PECR: variants seen among roughly 807,000 people sequenced by gnomAD.
The protein encoded by PECR is 2,4-dienoyl-CoA reductase-related protein.
In PECR, 30 loss-of-function variants were observed where a neutral mutation model predicts 35.3. The ratio of observed to expected loss-of-function variants is 0.85; its 90% CI spans 0.64 to 1.15. The LOEUF (loss-of-function observed/expected upper bound fraction) is 1.15, where lower values mean the gene tolerates loss of function less well. Ranked by LOEUF, PECR falls within the 50% of genes most tolerant of loss-of-function variation. PECR has a pLI of 0.00. For missense variants in PECR, 392 were observed against 370.8 expected (o/e 1.06, Z -0.47); for synonymous variants, 148 against 138.9 (o/e 1.07, Z -0.46).
chr2:216,063,331 A>C (rs184639234), intron 3 of PECR, among the ~76,000 whole-genome samples: 62 of 152,338 alleles, frequency 4.1e-4, no homozygotes, highest in African/African-American at 1.4e-3. Flanking sequence ...AAGATACAGA[A>C]AAATATGGCT....
chr2:216,069,929 T>C (rs1695553620), intron 1 of PECR, among the ~76,000 whole-genome samples: 1 of 121,816 alleles, frequency 8.2e-6, no homozygotes, highest in African/African-American at 3.5e-5. Flanking sequence ...AGAGCAAGAC[T>C]CTGTCAAAAA....
In PECR at chr2:216,081,734, G is replaced by A. The variant is rs1312634271; in HGVS notation, c.8C>T (p.Ser3Phe). The change falls in exon 1 of 8, where the codon TCC (serine) becomes TTC (phenylalanine). Residue 3 changes from serine (S) to phenylalanine (F), a missense_variant. Ser to Phe is a radical substitution (Grantham distance 155). Transcript: ENST00000265322. The stretch of plus-strand genomic sequence containing the variant: ...CAGGTAGCTCCTGCCCTTAGCCCAG[G>A]AGGCCATCCCTGCAGCGGGGTGCCA... The part of the protein sequence containing the change: MA[S>F]WAKGRSYLAP... The A allele has an allele frequency of 4.3e-6, 7 of 1,613,226 alleles. No individual in the cohort carries two copies. The highest frequency in any genetic ancestry group is 2.2e-5 in the East Asian group (1 of 44,872).
intron 4 of PECR, among the ~76,000 whole-genome samples, chr2:216,055,263 C>A (rs928920790): frequency 4.6e-5 from 7 of 151,734 alleles, no homozygotes; most frequent in Admixed American, 1.3e-4. Flanking sequence ...CACAGAGAAA[C>A]CCCGTCTCTA....
chr2:216,079,891 G>C lies in PECR; in HGVS notation c.124+1727C>G, dbSNP rs184521985. Among the ~76,000 whole-genome samples the C allele has an allele frequency of 5.4e-3, 785 of 146,296 alleles. 9 individuals carry two copies. Among genetic ancestry groups the C allele is most frequent in the African/African-American group, 0.018 (745 of 40,358 alleles). Reference sequence around the variant, plus strand: ...AACTACTCGGGAGGCTGAGGCAGGAGAATCGCTTGAACCCAGGAGGCGGAG... The same window carrying C: ...AACTACTCGGGAGGCTGAGGCAGGACAATCGCTTGAACCCAGGAGGCGGAG... On this transcript the variant is annotated intron_variant, in intron 1 of 7. Transcript: ENST00000265322.
At chr2:216,051,290 A>AAAAAAAAAAAAAAAAAAT in intron 5 of PECR, among the ~76,000 whole-genome samples, 159 bp downstream of exon 5, 1 of 151,866 alleles carries the variant, frequency 6.6e-6, no homozygotes, top group African/African-American at 2.4e-5. Flanking sequence ...TCAAAAAAAA[A>AAAAAAAAAAAAAAAAAAT]AAAAAAAAAA....
chr2:216,035,636 G>A (rs1038355274), downstream of PECR, among the ~76,000 whole-genome samples: 5 of 151,994 alleles, frequency 3.3e-5, no homozygotes, highest in Admixed American at 2.0e-4. Flanking sequence ...ACAGACGCCC[G>A]CCACCAGGCC....
chr2:216,058,872 G>A, intron 4 of PECR, 23 bp downstream of exon 4: 2 of 1,390,868 alleles, frequency 1.4e-6, no homozygotes, highest in Non-Finnish European at 2.0e-6. Context: ...GACTTAGAAA[G>A]AAAACTATAT....
chr2:216,065,336 C>A lies in PECR; in HGVS notation c.400G>T (p.Gly134Cys). The change falls in exon 3 of 8, where the codon GGT becomes TGT. Residue 134 changes from glycine (G) to cysteine (C), a missense_variant. Physicochemically the swap from Gly to Cys is radical, Grantham distance 159. Coordinates refer to ENST00000265322, the MANE Select transcript of PECR (RefSeq NM_018441.6). ...WHAVLETNLT[G>C]TFYMCKAVYS... Reference sequence around the variant, plus strand: ...CCTGCTTTGCACATGTAGAAGGTACCCGTCAGGTTGGTCTCAAGCACAGCG... The same window carrying A: ...CCTGCTTTGCACATGTAGAAGGTACACGTCAGGTTGGTCTCAAGCACAGCG... The A allele has an allele frequency of 1.2e-6, 2 of 1,611,886 alleles. No homozygotes were observed. The highest frequency in any genetic ancestry group is 1.1e-5 in the South Asian group (1 of 91,022).
intron 7 of PECR, among the ~76,000 whole-genome samples, chr2:216,043,125 G>T (rs1273738988): frequency 3.0e-5 from 4 of 133,660 alleles, no homozygotes; most frequent in African/African-American, 8.5e-5. Context: ...ATTTTTTTTT[G>T]AGATAAGAGT....
chr2:216,058,708 T>C lies in PECR; in HGVS notation c.506+187A>G, dbSNP rs1308193546. On this transcript the variant is annotated intron_variant, in intron 4 of 7. Coordinates refer to ENST00000265322, the MANE Select transcript of PECR (RefSeq NM_018441.6). ...TCCTTGGTAAATCTGGCAGTCCGCA[T>C]CTGGATGAAAATGTTTTAGAAGTAC... Among the ~76,000 whole-genome samples the C allele has an allele frequency of 1.3e-5, 2 of 152,180 alleles. 1 individual carries two copies. Among genetic ancestry groups the C allele is most frequent in the African/African-American group, 4.8e-5 (2 of 41,424 alleles).
intron 7 of PECR, among the ~76,000 whole-genome samples, chr2:216,043,041 A>G (rs920109088): frequency 5.3e-5 from 7 of 132,514 alleles, no homozygotes; most frequent in African/African-American, 1.6e-4. Flanking sequence ...ATGTATGTGT[A>G]TATATATATA....
chr2:216,067,247 C>T (rs1695484932), intron 1 of PECR, among the ~76,000 whole-genome samples: 1 of 152,140 alleles, frequency 6.6e-6, no homozygotes, highest in South Asian at 2.1e-4. Flanking sequence ...TGCAGAGTCT[C>T]TCTGGAATCT....
chr2:216,075,531 T>C (rs1456260247), intron 1 of PECR, among the ~76,000 whole-genome samples: 1 of 152,210 alleles, frequency 6.6e-6, no homozygotes, highest in African/African-American at 2.4e-5. Flanking sequence ...TATAATAAAC[T>C]AGAAAAATAT....
intron 7 of PECR, among the ~76,000 whole-genome samples, chr2:216,041,426 G>A (rs1694884446): frequency 6.6e-6 from 1 of 152,134 alleles, no homozygotes; most frequent in African/African-American, 2.4e-5. Flanking sequence ...TAAAACTACA[G>A]TATCCTATGG....
chr2:216,037,795 A>G (rs907691277), downstream of PECR, among the ~76,000 whole-genome samples: 15 of 152,148 alleles, frequency 9.9e-5, no homozygotes, highest in African/African-American at 3.6e-4. Context: ...AAATGAGGGT[A>G]AATGACAGGC....
At chr2:216,066,221 C>T (rs1199827067) in intron 2 of PECR, among the ~76,000 whole-genome samples, 164 bp downstream of exon 2, 4 of 152,196 alleles carry the variant, frequency 2.6e-5, no homozygotes, top group East Asian at 1.9e-4. Context: ...CAGGATTCGC[C>T]GGCTCAGTAA....
At chr2:216,060,088 C>T (rs1286889342) in intron 3 of PECR, among the ~76,000 whole-genome samples, 5 of 152,106 alleles carry the variant, frequency 3.3e-5, no homozygotes, top group Non-Finnish European at 7.4e-5. Flanking sequence ...CAGTTTGTGG[C>T]ATACAAGTCT....
At chr2:216,042,352 C>A (rs1170337225) in intron 7 of PECR, among the ~76,000 whole-genome samples, 2 of 152,184 alleles carry the variant, frequency 1.3e-5, no homozygotes, top group Non-Finnish European at 2.9e-5. Flanking sequence ...CTCTCACATA[C>A]ACCAATCATT....
chr2:216,057,535 A>G (rs931727803), intron 4 of PECR, among the ~76,000 whole-genome samples: 1 of 152,188 alleles, frequency 6.6e-6, no homozygotes, highest in African/African-American at 2.4e-5. Flanking sequence ...GAGGATGGGA[A>G]ATGCCAGAAA....
Sources: allele counts gnomAD v4.1 joint callset (sites outside exome capture counted in the v4.1 genomes callset), GRCh38; gene constraint gnomAD v4.1.1; transcripts MANE v1.5; gene names NCBI Gene and HGNC (gene_info 2026-07-23, HGNC 2026-07-21).